MAGOHB: variants seen among roughly 807,000 people sequenced by gnomAD.
The protein encoded by MAGOHB is mago homolog B, exon junction complex subunit.
A neutral mutation model predicts 20.9 loss-of-function variants in MAGOHB; 15 were observed. The observed-to-expected ratio is 0.72, with a 90% confidence interval of 0.48 to 1.11. MAGOHB has a LOEUF of 1.11. MAGOHB is among the 50% of genes least tolerant of loss of function. The pLI is 0.00. For synonymous variants in MAGOHB, 50 were observed against 57.9 expected, an observed-to-expected ratio of 0.86 and a Z score of 0.62; for missense variants, 162 against 177.6, an observed-to-expected ratio of 0.91 and a Z score of 0.50.
Position 10,606,331 on chromosome 12 carries a change from A to G in MAGOHB, c.391T>C (p.Leu131=). The G allele has an allele frequency of 6.3e-7, 1 of 1,582,772 alleles. No homozygotes were observed. The highest frequency in any genetic ancestry group is 8.6e-7 in the Non-Finnish European group (1 of 1,162,706). ...ATAAGACTGAAAACTAAACATTTCA[A>G]GTCTTGTACCAAATAGTAAAATACT... is the stretch of plus-strand genomic sequence containing the variant. ...LRVFYYLVQD[L]KCLVFSLIGL... is the part of the protein sequence containing the mutation. Residue 131 remains leucine (L), a synonymous_variant, in exon 5 of 5, where the codon TTG becomes CTG. Coordinates refer to ENST00000320756, the MANE Select transcript of MAGOHB (RefSeq NM_018048.5).
At chr12:10,606,526 C>A in intron 4 of MAGOHB, 152 bp from the exon 5 acceptor site, 3 of 586,300 alleles carry the variant, frequency 5.1e-6, no homozygotes, top group Non-Finnish European at 6.1e-6. Flanking sequence ...AATGAACATA[C>A]AATTAATATC....
chr12:10,607,270 A>C (rs1188180349), intron 4 of MAGOHB, among the ~76,000 whole-genome samples: 3 of 152,202 alleles, frequency 2.0e-5, no homozygotes, highest in African/African-American at 7.2e-5. Context: ...TAAAGCAGAC[A>C]AATAGGTTAT....
intron 1 of MAGOHB, 66 bp downstream of exon 1, chr12:10,613,373 C>A (rs1865786871): frequency 7.0e-7 from 1 of 1,423,486 alleles, no homozygotes; most frequent in African/African-American, 1.4e-5. Flanking sequence ...CTGTACCCTC[C>A]ACACCACCCG....
At chr12:10,610,503 C>A in intron 2 of MAGOHB, 119 bp downstream of exon 2, 1 of 1,167,694 alleles carries the variant, frequency 8.6e-7, no homozygotes, top group Middle Eastern at 2.9e-4. Context: ...CTATAAATTG[C>A]CTTCTTCTTT....
chr12:10,603,118 T>A (rs1865568677), downstream of MAGOHB, among the ~76,000 whole-genome samples: 1 of 152,054 alleles, frequency 6.6e-6, no homozygotes, highest in African/African-American at 2.4e-5. Context: ...GAGACCATTC[T>A]GGCTAACACG....
At chr12:10,607,781 G>A (rs2125089) in intron 4 of MAGOHB, 73 bp downstream of exon 4, 667,170 of 827,118 alleles carry the variant, frequency 0.81, 270,205 homozygotes, top group East Asian at 0.99. Context: ...ATCTTGGCTA[G>A]CAAACTGACT....
chr12:10,601,114 G>A (rs1050966715), downstream of MAGOHB, among the ~76,000 whole-genome samples: 1 of 152,126 alleles, frequency 6.6e-6, no homozygotes, highest in Non-Finnish European at 1.5e-5. Flanking sequence ...TTATCTCAAT[G>A]CCAAAATAAT....
At chr12:10,602,901 G>C (rs946816632), downstream of MAGOHB, among the ~76,000 whole-genome samples, 5 of 152,108 alleles carry the variant, frequency 3.3e-5, no homozygotes, top group African/African-American at 1.2e-4. Context: ...CTAAAATGAA[G>C]GATGTCTGGA....
Position 10,609,911 on chromosome 12 carries a change from G to A in MAGOHB, c.184C>T (p.Leu62=), listed in dbSNP as rs558545231. 3.3e-4 allele frequency: 525 copies of A among 1,610,380 alleles called. No homozygotes were observed. The highest frequency in any genetic ancestry group is 4.7e-4 in the Admixed American group (28 of 59,668). The change falls in exon 3 of 5, where the codon CTG becomes TTG. Residue 62 remains leucine (L), a synonymous_variant. Coordinates refer to ENST00000320756, the MANE Select transcript of MAGOHB (RefSeq NM_018048.5). ...TCACTGTCATCAATAATTCTCTTCA[G>A]TTCTTCCATTACACTCTTGTGCACA... is the stretch of plus-strand genomic sequence containing the variant. ...AYVHKSVMEE[L]KRIIDDSEIT...
chr12:10,606,338 T>C lies in MAGOHB; in HGVS notation c.384A>G (p.Val128=), dbSNP rs1423600308. The C allele has an allele frequency of 6.3e-7, 1 of 1,581,742 alleles. No homozygotes were observed. Among genetic ancestry groups the C allele is most frequent in the Non-Finnish European group, 8.6e-7 (1 of 1,162,578 alleles). ...PEGLRVFYYL[V]QDLKCLVFSL... is the part of the protein sequence containing the mutation. ...TGAAAACTAAACATTTCAAGTCTTG[T>C]ACCAAATAGTAAAATACTCGAAGGC... is the stretch of plus-strand genomic sequence containing the variant. The change falls in exon 5 of 5, where the codon GTA becomes GTG. Residue 128 remains valine, a synonymous_variant. Coordinates refer to ENST00000320756, the MANE Select transcript of MAGOHB (RefSeq NM_018048.5).
At chr12:10,610,078 C>G in intron 2 of MAGOHB, 137 bp from the exon 3 acceptor site, 2 of 556,952 alleles carry the variant, frequency 3.6e-6, no homozygotes, top group Non-Finnish European at 6.3e-6. Context: ...GTAGAGGAGA[C>G]AGAATCACTT....
chr12:10,609,226 GA>G, intron 3 of MAGOHB: 2 of 311,154 alleles, frequency 6.4e-6, no homozygotes, highest in Admixed American at 7.9e-5. Context: ...AATCCTCAGG[GA>G]TATACAAAAG....
chr12:10,602,749 T>C (rs142736676), downstream of MAGOHB, among the ~76,000 whole-genome samples: 18 of 152,322 alleles, frequency 1.2e-4, no homozygotes, highest in East Asian at 2.1e-3. Flanking sequence ...GGAAACCACA[T>C]ATTTTACTCA....
chr12:10,612,928 C>T, intron 1 of MAGOHB: 1 of 1,289,048 alleles, frequency 7.8e-7, no homozygotes, highest in East Asian at 5.5e-5. Context: ...TTCCTGACTC[C>T]CTCCTGTGGA....
At chr12:10,609,650 A>G in intron 3 of MAGOHB, 181 bp downstream of exon 3, 2 of 577,806 alleles carry the variant, frequency 3.5e-6, no homozygotes, top group East Asian at 2.9e-5. Flanking sequence ...TGACTCCTTC[A>G]CTACTAGGAG....
chr12:10,609,445 TTC>T, intron 3 of MAGOHB: 1 of 426,266 alleles, frequency 2.3e-6, no homozygotes, highest in Middle Eastern at 3.4e-4. Flanking sequence ...CCAATCAAGT[TTC>T]TCTCTGGGGT....
intron 2 of MAGOHB, 45 bp downstream of exon 2, chr12:10,610,577 C>CAAA (rs541042923): frequency 6.7e-4 from 487 of 727,586 alleles, no homozygotes; most frequent in African/African-American, 1.4e-3. Flanking sequence ...GGGCTAAATG[C>CAAA]AAAAAAAAAA....
intron 4 of MAGOHB, among the ~76,000 whole-genome samples, chr12:10,607,381 G>A (rs1324323354): frequency 1.3e-5 from 2 of 152,130 alleles, no homozygotes; most frequent in Non-Finnish European, 2.9e-5. Flanking sequence ...CCAAGAAAAT[G>A]GGATGTGCTA....
chr12:10,600,916 CATCATCATGT>C (rs11278048), downstream of MAGOHB, among the ~76,000 whole-genome samples: 1,051 of 152,308 alleles, frequency 6.9e-3, 11 homozygotes, highest in African/African-American at 0.022. Flanking sequence ...AAGTCGGCCA[CATCATCATGT>C]GCAGGCCATC....
Sources: gnomAD v4.1 joint callset for allele counts (sites outside exome capture counted in the v4.1 genomes callset) on GRCh38, gnomAD v4.1.1 for gene constraint, MANE v1.5 for transcripts, NCBI Gene and HGNC (gene_info 2026-07-23, HGNC 2026-07-21) for gene names.